DOCK2: variants seen among roughly 807,000 people sequenced by gnomAD.
DOCK2 encodes dedicator of cytokinesis 2.
In DOCK2, 87 loss-of-function variants were observed where a neutral mutation model predicts 248.9. The observed-to-expected ratio is 0.35, with a 90% CI of 0.29 to 0.42. The LOEUF is 0.42. Among genes scored for constraint, DOCK2 ranks in the 10% least tolerant of loss-of-function variants. The probability of loss-of-function intolerance (pLI) is 1.00; values close to 1 mark genes in which losing one functional copy is unlikely to be tolerated. For missense variants in DOCK2, 1,747 were observed against 2,300.2 expected (o/e 0.76, Z 4.92); for synonymous variants, 805 against 821.6 (o/e 0.98, Z 0.35).
chr5:170,038,234 G>T (rs1354718241), intron 36 of DOCK2, among the ~76,000 whole-genome samples: 1 of 152,112 alleles, frequency 6.6e-6, no homozygotes, highest in Non-Finnish European at 1.5e-5. Flanking sequence ...AGTACTATAG[G>T]TAATATGGCT....
chr5:170,036,904 G>A (rs6864100), intron 36 of DOCK2, among the ~76,000 whole-genome samples: 7,330 of 152,216 alleles, frequency 0.048, 369 homozygotes, highest in African/African-American at 0.13. Context: ...GTCCAGACAT[G>A]TAGTAAGACC....
chr5:169,913,830 T>C (rs941793592), intron 27 of DOCK2, among the ~76,000 whole-genome samples: 1 of 152,212 alleles, frequency 6.6e-6, no homozygotes, highest in Non-Finnish European at 1.5e-5. Flanking sequence ...ACTACAATGT[T>C]GATCCCATTT....
chr5:169,922,944 A>G (rs935141190), intron 27 of DOCK2, among the ~76,000 whole-genome samples: 4 of 152,240 alleles, frequency 2.6e-5, no homozygotes, highest in Non-Finnish European at 5.9e-5. Flanking sequence ...CATTACAGGC[A>G]AGCTTCTAAG....
At chr5:170,055,923 C>G (rs1757111383) in intron 42 of DOCK2, among the ~76,000 whole-genome samples, 1 of 152,236 alleles carries the variant, frequency 6.6e-6, no homozygotes, top group Non-Finnish European at 1.5e-5. Context: ...ACTGATGAGG[C>G]CACAAGGTGG....
At position 169,711,994 on chromosome 5, in the gene DOCK2, G is replaced by A. The variant is rs748492732; in HGVS notation, c.1542G>A (p.Arg514=). Residue 514 remains arginine, a synonymous_variant, in exon 16 of 52, where the codon CGG becomes CGA. Coordinates refer to ENST00000520908, the MANE Select transcript of DOCK2 (RefSeq NM_004946.3). ...RIHLRFMFRH[R]SSLESKDKGE... ...ATCTGCGATTCATGTTTCGACATCGGTCATCTCTGGAATGTGAGTACCATA... is the reference window on the plus strand; with the variant it reads ...ATCTGCGATTCATGTTTCGACATCGATCATCTCTGGAATGTGAGTACCATA... The A allele has an allele frequency of 3.7e-6, 6 of 1,614,072 alleles. No individual in the cohort carries two copies. The East Asian group carries it at 6.7e-5, about 18-fold the overall frequency.
chr5:169,762,845 G>C (rs1764567281), intron 25 of DOCK2, among the ~76,000 whole-genome samples: 1 of 152,156 alleles, frequency 6.6e-6, no homozygotes, highest in Non-Finnish European at 1.5e-5. Flanking sequence ...CACCCAACTG[G>C]AATTTATTCA....
At chr5:170,078,180 C>T (rs1484506127) in intron 48 of DOCK2, among the ~76,000 whole-genome samples, 1 of 152,182 alleles carries the variant, frequency 6.6e-6, no homozygotes, top group Non-Finnish European at 1.5e-5. Flanking sequence ...TCATAGGGAT[C>T]TGTTCCCTTT....
chr5:169,640,393 G>A (rs1757087268), intron 1 of DOCK2, among the ~76,000 whole-genome samples: 1 of 152,218 alleles, frequency 6.6e-6, no homozygotes, highest in African/African-American at 2.4e-5. Flanking sequence ...TATTCTTGTA[G>A]GGGAGGGAAA....
chr5:169,746,116 T>C (rs1367490087), intron 22 of DOCK2, among the ~76,000 whole-genome samples: 1 of 151,740 alleles, frequency 6.6e-6, no homozygotes, highest in Non-Finnish European at 1.5e-5. Context: ...AGGGGGTTAG[T>C]TAGAAAAAGA....
At chr5:169,943,680 T>C (rs1776330450) in intron 27 of DOCK2, among the ~76,000 whole-genome samples, 2 of 152,142 alleles carry the variant, frequency 1.3e-5, no homozygotes, top group Admixed American at 6.5e-5. Context: ...GTTCTCAAGG[T>C]GTGGTCCTGG....
intron 27 of DOCK2, among the ~76,000 whole-genome samples, chr5:169,868,629 G>A (rs778065517): frequency 1.4e-4 from 22 of 152,218 alleles, no homozygotes; most frequent in Non-Finnish European, 2.9e-4. Context: ...GTGGTGGTGT[G>A]CAACTGTGAT....
intron 25 of DOCK2, among the ~76,000 whole-genome samples, chr5:169,801,146 G>GTTTTTTTTTTT (rs60574755): frequency 1.3e-5 from 1 of 76,050 alleles, no homozygotes; most frequent in Non-Finnish European, 2.8e-5. Flanking sequence ...ATAGTTTTGG[G>GTTTTTTTTTTT]TTTTTTTTTT....
At chr5:169,796,125 A>G (rs137924218) in intron 25 of DOCK2, among the ~76,000 whole-genome samples, 13 of 152,308 alleles carry the variant, frequency 8.5e-5, no homozygotes, top group Admixed American at 2.0e-4. Context: ...CATGCTGAGG[A>G]TGTGACTGAG....
chr5:170,046,508 C>T (rs996197300), intron 39 of DOCK2, among the ~76,000 whole-genome samples: 1 of 152,206 alleles, frequency 6.6e-6, no homozygotes, highest in African/African-American at 2.4e-5. Flanking sequence ...AGCAGGACCC[C>T]AGGGACCCCT....
intron 26 of DOCK2, among the ~76,000 whole-genome samples, chr5:169,816,132 C>G (rs771010564): frequency 6.6e-5 from 10 of 152,168 alleles, no homozygotes; most frequent in African/African-American, 2.2e-4. Flanking sequence ...GCTGAGGGAA[C>G]TATAACTTTG....
chr5:169,859,068 T>G (rs553440629), intron 27 of DOCK2, among the ~76,000 whole-genome samples: 4 of 152,130 alleles, frequency 2.6e-5, no homozygotes, highest in African/African-American at 9.6e-5. Context: ...GGGAGACCTG[T>G]TGGGGAGGTT....
chr5:169,817,479 A>G (rs1561728339), intron 26 of DOCK2, among the ~76,000 whole-genome samples: 1 of 152,248 alleles, frequency 6.6e-6, no homozygotes. Context: ...CTTATTTCCC[A>G]GCACTTGGCC....
chr5:169,772,665 A>G (rs1248042372), intron 25 of DOCK2, among the ~76,000 whole-genome samples: 1 of 152,256 alleles, frequency 6.6e-6, no homozygotes, highest in Admixed American at 6.5e-5. Flanking sequence ...TAAAAAAGTC[A>G]TCCTCTGCTT....
chr5:170,080,008 G>T, intron 49 of DOCK2, 155 bp from the exon 50 acceptor site: 2 of 1,303,810 alleles, frequency 1.5e-6, no homozygotes, highest in Non-Finnish European at 2.1e-6. Context: ...TGGCAGGCTG[G>T]CATGGAATGG....
Sources: gnomAD v4.1 joint callset for allele counts (sites outside exome capture counted in the v4.1 genomes callset) on GRCh38, gnomAD v4.1.1 for gene constraint, MANE v1.5 for transcripts, NCBI Gene and HGNC (gene_info 2026-07-23, HGNC 2026-07-21) for gene names.